Variants in KCNJ6 observed in about 807,000 individuals in gnomAD.
KCNJ6 encodes G protein-activated inward rectifier potassium channel 2.
Under a neutral mutation model 34.2 loss-of-function variants are expected in KCNJ6, and 9 were observed. That is an observed-to-expected ratio of 0.26 (90% CI 0.16 to 0.46). KCNJ6 has a LOEUF of 0.46. Ranked by LOEUF, KCNJ6 falls within the 20% of genes least tolerant of loss-of-function variation. KCNJ6 has a pLI of 1.00. For synonymous variants in KCNJ6, 196 were observed against 207.1 expected (o/e 0.95, Z 0.46); for missense variants, 236 against 531.3 (o/e 0.44, Z 5.46).
chr21:37,713,516 G>A (rs558914805), intron 3 of KCNJ6, among the ~76,000 whole-genome samples: 2 of 152,160 alleles, frequency 1.3e-5, no homozygotes, highest in South Asian at 2.1e-4. Context: ...GAAGACGTCA[G>A]TAAAAACAGA....
Position 37,607,422 on chromosome 21 carries a change from T to C in KCNJ6, c.*17737A>G, listed in dbSNP as rs998685746. On this transcript the variant is annotated 3_prime_UTR_variant, in exon 4 of 4. Transcript: ENST00000609713. ...TTCCAGTCAAAAAAAGAGGAACACC[T>C]CAATATGTAAACAGTTTCCCTAACA... The C allele has an allele frequency of 7.4e-5, 11 of 148,252 alleles. No homozygotes were observed. The highest frequency in any genetic ancestry group is 3.0e-5 in the Non-Finnish European group (2 of 67,376). 9.2% of individuals were successfully genotyped at this position (148,252 alleles called of 1,614,324 possible). A position where few individuals can be genotyped will look rare whatever the true frequency, so the allele number is the denominator to read the frequency against.
rs1247360040 is a variant in KCNJ6, at chr21:37,607,742, A to G, written c.*17417T>C. On this transcript the variant is annotated 3_prime_UTR_variant, in exon 4 of 4. Coordinates refer to ENST00000609713, the MANE Select transcript of KCNJ6 (RefSeq NM_002240.5). ...AGCAAATCTTAGTGACTTTATTCCAAAGAAATCTTAGAAGCCTTGGTAGCA... is the reference window on the plus strand; with the variant it reads ...AGCAAATCTTAGTGACTTTATTCCAGAGAAATCTTAGAAGCCTTGGTAGCA... The G allele has an allele frequency of 6.6e-6, 1 of 152,166 alleles. No homozygotes were observed. The highest frequency in any genetic ancestry group is 1.5e-5 in the Non-Finnish European group (1 of 68,026). The allele number at this position is 152,166 out of a possible 1,614,324, so 9.4% of individuals were successfully genotyped here.
chr21:37,745,096 T>G (rs1414182428), intron 2 of KCNJ6, among the ~76,000 whole-genome samples: 2 of 71,118 alleles, frequency 2.8e-5, no homozygotes, highest in African/African-American at 4.8e-5. Flanking sequence ...TTTTTTTTTT[T>G]TTTTTTTTTT....
chr21:37,643,815 A>G (rs1183199273), intron 3 of KCNJ6, among the ~76,000 whole-genome samples: 1 of 152,192 alleles, frequency 6.6e-6, no homozygotes, highest in East Asian at 1.9e-4. Flanking sequence ...GTTACTAGAG[A>G]GAAAGAAGTT....
intron 1 of KCNJ6, among the ~76,000 whole-genome samples, chr21:37,881,293 A>G (rs1467476365): frequency 6.6e-6 from 1 of 152,188 alleles, no homozygotes; most frequent in Non-Finnish European, 1.5e-5. Flanking sequence ...GGCTACCATA[A>G]CAAAATACAA....
intron 3 of KCNJ6, among the ~76,000 whole-genome samples, chr21:37,671,052 T>C (rs8131500): frequency 0.5 from 76,203 of 152,032 alleles, 20,468 homozygotes; most frequent in African/African-American, 0.71. Context: ...TCCTGATACA[T>C]AGCTCCTAAA....
intron 2 of KCNJ6, among the ~76,000 whole-genome samples, chr21:37,833,259 C>G (rs2055435641): frequency 6.6e-6 from 1 of 152,142 alleles, no homozygotes; most frequent in South Asian, 2.1e-4. Flanking sequence ...AGGTGACCCA[C>G]CCACCTCAGC....
chr21:37,773,129 T>C (rs1047578032), intron 2 of KCNJ6, among the ~76,000 whole-genome samples: 2 of 152,198 alleles, frequency 1.3e-5, no homozygotes, highest in African/African-American at 4.8e-5. Context: ...GCTAAATAAC[T>C]GTTTGTGGAT....
intron 1 of KCNJ6, among the ~76,000 whole-genome samples, chr21:37,895,281 G>T (rs2055782369): frequency 6.6e-6 from 1 of 152,170 alleles, no homozygotes; most frequent in Admixed American, 6.5e-5. Context: ...GCCTTATCTT[G>T]CCAACTTTAG....
At chr21:37,689,268 T>C (rs952150755) in intron 3 of KCNJ6, among the ~76,000 whole-genome samples, 8 of 152,298 alleles carry the variant, frequency 5.3e-5, no homozygotes, top group East Asian at 3.9e-4. Flanking sequence ...CTTAGTGAGA[T>C]GAAATTTTGA....
rs1429389304 is a variant in KCNJ6, at chr21:37,624,242, G to A, written c.*917C>T. 1 of 152,118 alleles carries A rather than the reference G, an allele frequency of 6.6e-6. No homozygotes were observed. The highest frequency in any genetic ancestry group is 1.5e-5 in the Non-Finnish European group (1 of 68,010). The allele number at this position is 152,118 out of a possible 1,614,324, so 9.4% of individuals were successfully genotyped here. A position where few individuals can be genotyped will look rare whatever the true frequency, so the allele number is the denominator to read the frequency against. Reference sequence around the variant, plus strand: ...ACATTTCACAGTATATCAGCATATTGGTGGTGGGTTTTGCCATCTACCAGA... The same window carrying A: ...ACATTTCACAGTATATCAGCATATTAGTGGTGGGTTTTGCCATCTACCAGA... On this transcript the variant is annotated 3_prime_UTR_variant, in exon 4 of 4. Transcript: ENST00000609713.
At chr21:37,811,245 A>G (rs1461765075) in intron 2 of KCNJ6, among the ~76,000 whole-genome samples, 1 of 152,222 alleles carries the variant, frequency 6.6e-6, no homozygotes. Context: ...TACCCTGTGC[A>G]TCTCCTCATC....
intron 3 of KCNJ6, among the ~76,000 whole-genome samples, chr21:37,635,659 A>G (rs1318667932): frequency 6.6e-6 from 1 of 151,702 alleles, no homozygotes; most frequent in Non-Finnish European, 1.5e-5. Flanking sequence ...CTGGGATTAC[A>G]GGCATGTGCC....
chr21:37,720,702 C>CTTT (rs3061017), intron 2 of KCNJ6, among the ~76,000 whole-genome samples: 3 of 129,518 alleles, frequency 2.3e-5, no homozygotes, highest in South Asian at 2.5e-4. Context: ...ATTTTCTTTT[C>CTTT]TTTTTTTTTT....
intron 2 of KCNJ6, among the ~76,000 whole-genome samples, chr21:37,785,820 A>G (rs372894897): frequency 1.4e-4 from 21 of 152,306 alleles, no homozygotes; most frequent in African/African-American, 4.6e-4. Flanking sequence ...AGATTATTGG[A>G]TCATGAGATT....
chr21:37,880,325 A>T (rs950689899), intron 1 of KCNJ6, among the ~76,000 whole-genome samples: 2 of 152,218 alleles, frequency 1.3e-5, no homozygotes, highest in Non-Finnish European at 2.9e-5. Flanking sequence ...TGTCAAGCAC[A>T]TTGTACACCA....
At chr21:37,780,992 G>C (rs1358467290) in intron 2 of KCNJ6, among the ~76,000 whole-genome samples, 2 of 152,198 alleles carry the variant, frequency 1.3e-5, no homozygotes, top group East Asian at 3.8e-4. Flanking sequence ...CCAACAAAGG[G>C]TCTTGGCTCC....
intron 1 of KCNJ6, among the ~76,000 whole-genome samples, chr21:37,881,928 A>G (rs901511574): frequency 6.6e-6 from 1 of 152,178 alleles, no homozygotes; most frequent in Non-Finnish European, 1.5e-5. Context: ...TAAGACCAAC[A>G]GGAGGAAATT....
At chr21:37,819,368 G>T (rs1177429149) in intron 2 of KCNJ6, among the ~76,000 whole-genome samples, 1 of 152,092 alleles carries the variant, frequency 6.6e-6, no homozygotes, top group African/African-American at 2.4e-5. Flanking sequence ...TTGCCTCTTA[G>T]ACTTTTTAAC....
Sources: gnomAD v4.1 joint callset for allele counts (sites outside exome capture counted in the v4.1 genomes callset) on GRCh38, gnomAD v4.1.1 for gene constraint, MANE v1.5 for transcripts, NCBI Gene and HGNC (gene_info 2026-07-23, HGNC 2026-07-21) for gene names.